Variants in LHFPL6 observed in about 807,000 individuals in gnomAD.
LHFPL6 encodes LHFPL tetraspan subfamily member 6 protein.
Under a neutral mutation model 20.6 loss-of-function variants are expected in LHFPL6, and 9 were observed. That is an observed-to-expected ratio of 0.44 (90% CI 0.26 to 0.76). The LOEUF (loss-of-function observed/expected upper bound fraction) is 0.76, where lower values mean the gene tolerates loss of function less well. Among genes scored for constraint, LHFPL6 ranks in the 30% least tolerant of loss-of-function variants. The pLI is 0.20. For synonymous variants in LHFPL6, 105 were observed against 98.7 expected (o/e 1.06, Z -0.38); for missense variants, 218 against 253.5 (o/e 0.86, Z 0.95).
In LHFPL6 at chr13:39,474,853, G is replaced by C. The variant is rs1014402288; in HGVS notation, c.386-96327C>G. Among the ~76,000 whole-genome samples the C allele has an allele frequency of 3.3e-5, 5 of 152,054 alleles. 1 individual carries two copies. The highest frequency in any genetic ancestry group is 5.9e-5 in the Non-Finnish European group (4 of 68,012). ...GGAAGAACAGGAAGGGGAGGAGAGAGGAGAGACCCTAACAGCCCATGGGGA... is the reference window on the plus strand; with the variant it reads ...GGAAGAACAGGAAGGGGAGGAGAGACGAGAGACCCTAACAGCCCATGGGGA... On this transcript the variant is annotated intron_variant, in intron 2 of 3. Transcript: ENST00000379589.
intron 2 of LHFPL6, among the ~76,000 whole-genome samples, chr13:39,444,506 A>G (rs2138416420): frequency 6.6e-6 from 1 of 152,308 alleles, no homozygotes; most frequent in East Asian, 1.9e-4. Context: ...CAAGGTTTCC[A>G]GAGAGGTACC....
At position 39,359,526 on chromosome 13, in the gene LHFPL6, A is replaced by G. The variant is rs192078296; in HGVS notation, c.485-15472T>C. Reference sequence around the variant, plus strand: ...GCCGTTTTCCTAAGCAAATTAATGCAGAAACAGAAAAGCAAATACCACATG... The same window carrying G: ...GCCGTTTTCCTAAGCAAATTAATGCGGAAACAGAAAAGCAAATACCACATG... On this transcript the variant is annotated intron_variant, in intron 3 of 3. Transcript: ENST00000379589. Among the ~76,000 whole-genome samples, 5 of 152,350 alleles carry G rather than the reference A, an allele frequency of 3.3e-5. No homozygotes were observed. In the East Asian group the frequency reaches 5.8e-4, roughly 18 times the overall value.
At chr13:39,491,481 T>A in intron 2 of LHFPL6, among the ~76,000 whole-genome samples, 1 of 152,210 alleles carries the variant, frequency 6.6e-6, no homozygotes, top group Non-Finnish European at 1.5e-5. Context: ...ACATTTTATT[T>A]GGAAGCCAAG....
At chr13:39,558,756 T>C (rs1396898291) in intron 2 of LHFPL6, among the ~76,000 whole-genome samples, 1 of 152,176 alleles carries the variant, frequency 6.6e-6, no homozygotes, top group African/African-American at 2.4e-5. Flanking sequence ...CTGCCTACTC[T>C]CTCCCCAGCA....
At chr13:39,508,930 T>C (rs1016169454) in intron 2 of LHFPL6, among the ~76,000 whole-genome samples, 3 of 152,228 alleles carry the variant, frequency 2.0e-5, no homozygotes, top group Admixed American at 2.0e-4. Flanking sequence ...AATTGTTTTC[T>C]AAAATGGTTG....
chr13:39,522,827 T>C (rs186029362), intron 2 of LHFPL6, among the ~76,000 whole-genome samples: 9 of 152,338 alleles, frequency 5.9e-5, no homozygotes, highest in Non-Finnish European at 1.2e-4. Context: ...TAATATAGTG[T>C]CTCGCTCTTG....
chr13:39,490,309 C>T (rs912044), intron 2 of LHFPL6, among the ~76,000 whole-genome samples: 100,365 of 152,048 alleles, frequency 0.66, 33,336 homozygotes, highest in East Asian at 0.85. Context: ...ACAATACAAG[C>T]GCAAACCAAG....
chr13:39,435,533 A>C (rs1871935415), intron 2 of LHFPL6, among the ~76,000 whole-genome samples: 1 of 152,240 alleles, frequency 6.6e-6, no homozygotes, highest in African/African-American at 2.4e-5. Flanking sequence ...TATATAATTC[A>C]GAATGTTATT....
At chr13:39,355,453 C>A (rs559131411) in intron 3 of LHFPL6, among the ~76,000 whole-genome samples, 1 of 152,134 alleles carries the variant, frequency 6.6e-6, no homozygotes, top group Admixed American at 6.6e-5. Flanking sequence ...ACCTAGTACA[C>A]ATATCCTATA....
chr13:39,554,470 G>A (rs2138514473), intron 2 of LHFPL6, among the ~76,000 whole-genome samples: 1 of 152,300 alleles, frequency 6.6e-6, no homozygotes, highest in East Asian at 1.9e-4. Context: ...GTTTCCTACA[G>A]AATGTTCTGA....
At chr13:39,385,310 G>A (rs1870536908) in intron 2 of LHFPL6, among the ~76,000 whole-genome samples, 1 of 152,178 alleles carries the variant, frequency 6.6e-6, no homozygotes, top group Non-Finnish European at 1.5e-5. Context: ...TTCCTCCTGA[G>A]TGCCCTGCGG....
chr13:39,501,055 G>A (rs1259544340), intron 2 of LHFPL6, among the ~76,000 whole-genome samples: 1 of 152,154 alleles, frequency 6.6e-6, no homozygotes, highest in Non-Finnish European at 1.5e-5. Context: ...CACTGCCCTG[G>A]AGTCTCATCC....
rs374044311 is a variant in LHFPL6, at chr13:39,521,615, A to ATG, written c.385+79215_385+79216dup. Among the ~76,000 whole-genome samples, 1,112 of 151,938 alleles carry ATG rather than the reference A, an allele frequency of 7.3e-3. 3 individuals are homozygous for ATG. The highest frequency in any genetic ancestry group is 0.012 in the Non-Finnish European group (815 of 67,974). On this transcript the variant is annotated intron_variant, in intron 2 of 3. Transcript: ENST00000379589. Reference sequence around the variant, plus strand: ...TGTTGTTGTTGTTGTCATTGTGTGTATGTGTGTGTGTGTTTATTAACCACA... The same window carrying ATG: ...TGTTGTTGTTGTTGTCATTGTGTGTATGTGTGTGTGTGTGTTTATTAACCACA...
At chr13:39,577,244 C>T (rs1872143919) in intron 2 of LHFPL6, among the ~76,000 whole-genome samples, 1 of 152,194 alleles carries the variant, frequency 6.6e-6, no homozygotes, top group African/African-American at 2.4e-5. Context: ...GATTTTGCTG[C>T]TCCTCCTGGT....
chr13:39,479,788 A>G (rs1421559819), intron 2 of LHFPL6, among the ~76,000 whole-genome samples: 1 of 152,194 alleles, frequency 6.6e-6, no homozygotes, highest in Non-Finnish European at 1.5e-5. Context: ...ATAGCAAACT[A>G]TCAGCTAAAC....
intron 2 of LHFPL6, among the ~76,000 whole-genome samples, chr13:39,562,707 T>TAC (rs1555268312): frequency 1.6e-5 from 2 of 122,006 alleles, no homozygotes; most frequent in African/African-American, 2.7e-5. Flanking sequence ...TATATATATA[T>TAC]ACACACACAC....
chr13:39,372,613 G>A (rs773986193), intron 3 of LHFPL6, among the ~76,000 whole-genome samples: 7 of 152,148 alleles, frequency 4.6e-5, no homozygotes, highest in Non-Finnish European at 1.0e-4. Flanking sequence ...GCTTCAGAGC[G>A]CTGCACTTAA....
intron 3 of LHFPL6, among the ~76,000 whole-genome samples, chr13:39,345,703 G>A (rs1010232803): frequency 2.6e-5 from 4 of 151,878 alleles, no homozygotes; most frequent in Admixed American, 1.3e-4. Flanking sequence ...AAGAAACAAT[G>A]CCTATGGCAT....
At chr13:39,478,057 A>C (rs1417315748) in intron 2 of LHFPL6, among the ~76,000 whole-genome samples, 3 of 152,222 alleles carry the variant, frequency 2.0e-5, no homozygotes, top group African/African-American at 7.2e-5. Flanking sequence ...AAATGTTCCA[A>C]AATCAAGACA....
Sources: allele counts gnomAD v4.1 joint callset (sites outside exome capture counted in the v4.1 genomes callset), GRCh38; gene constraint gnomAD v4.1.1; transcripts MANE v1.5; gene names NCBI Gene and HGNC (gene_info 2026-07-23, HGNC 2026-07-21).